The following WNT3 variants were observed in gnomAD, a reference collection of about 807,000 sequenced individuals.
WNT3 encodes the protein Wnt family member 3, also known as proto-oncogene Wnt-3.
Under a neutral mutation model 34.2 loss-of-function variants are expected in WNT3, and 7 were observed. The observed-to-expected ratio is 0.20, with a 90% CI of 0.12 to 0.38. The LOEUF is 0.38. Among genes scored for constraint, WNT3 ranks in the 10% least tolerant of loss-of-function variants. The pLI, the probability that WNT3 is intolerant of heterozygous loss-of-function variation, is 1.00. For missense variants in WNT3, 267 were observed against 499.8 expected, an observed-to-expected ratio of 0.53 and a Z score of 4.44; for synonymous variants, 212 against 211.5, an observed-to-expected ratio of 1.00 and a Z score of -0.02.
intron 2 of WNT3, among the ~76,000 whole-genome samples, chr17:46,771,760 CCCGCGCCGCGCCGCG>C (rs568207694): frequency 2.1e-4 from 29 of 137,374 alleles, no homozygotes; most frequent in South Asian, 1.8e-3. Flanking sequence ...GCCCCCCGCC[CCCGCGCCGCGCCGCG>C]CCGCGCCGCG....
Position 46,768,823 on chromosome 17 carries a change from G to A in WNT3, c.589-24C>T. On this transcript the variant is annotated intron_variant, in intron 3 of 4. Transcript: ENST00000225512. This position sits in a 1 kb window ranked among gnomAD's most constrained non-coding sequence, Gnocchi z 5.0. Reference sequence around the variant, plus strand: ...GTCTGGGGGAGAGAAGTGGCAGCTGGCCAACAGACCGACCCCACGAGGGGG... The same window carrying A: ...GTCTGGGGGAGAGAAGTGGCAGCTGACCAACAGACCGACCCCACGAGGGGG... 1 of 1,609,488 alleles carries A rather than the reference G, an allele frequency of 6.2e-7. No homozygotes were observed. The highest frequency in any genetic ancestry group is 8.5e-7 in the Non-Finnish European group (1 of 1,178,592).
At chr17:46,808,819 A>G (rs920333341) in intron 1 of WNT3, among the ~76,000 whole-genome samples, 2 of 152,122 alleles carry the variant, frequency 1.3e-5, no homozygotes, top group Admixed American at 6.5e-5. Flanking sequence ...AAAGAAAAAG[A>G]AACCCAGGGG....
chr17:46,784,052 T>A (rs1441677924), intron 1 of WNT3, among the ~76,000 whole-genome samples: 1 of 152,028 alleles, frequency 6.6e-6, no homozygotes, highest in Non-Finnish European at 1.5e-5. Context: ...TCAGCTCTCA[T>A]TGTGCAGCTG....
intron 1 of WNT3, among the ~76,000 whole-genome samples, chr17:46,779,253 GA>G (rs1279447670): frequency 6.6e-6 from 1 of 152,196 alleles, no homozygotes; most frequent in Non-Finnish European, 1.5e-5. Flanking sequence ...CTACACACAG[GA>G]CAAGACTCCT....
intron 1 of WNT3, among the ~76,000 whole-genome samples, chr17:46,774,409 G>T (rs530506887): frequency 6.6e-6 from 1 of 152,200 alleles, no homozygotes; most frequent in Non-Finnish European, 1.5e-5. Context: ...TCTTCCCTGC[G>T]ATGGTGCCAG....
chr17:46,818,575 A>G lies in WNT3; in HGVS notation c.23T>C (p.Leu8Pro). 6.2e-7 allele frequency: 1 copy of G among 1,605,908 alleles called. No homozygotes were observed. Among genetic ancestry groups the G allele is most frequent in the South Asian group, 1.1e-5 (1 of 89,212 alleles). Reference sequence around the variant, plus strand: ...GCCACCGAGCAGGAGGCCGAGGAGCAGCCCGAGCAGGTGGGGCTCCATTAG... The same window carrying G: ...GCCACCGAGCAGGAGGCCGAGGAGCGGCCCGAGCAGGTGGGGCTCCATTAG... Reference protein sequence around the residue: MEPHLLGLLLGLLLGGTR... With the variant: MEPHLLGPLLGLLLGGTR... The change falls in exon 1 of 5, where the codon CTG becomes CCG. Residue 8 changes from leucine (L) to proline (P), a missense_variant. Physicochemically the swap from Leu to Pro is moderately conservative, Grantham distance 98. This residue lies in a region of WNT3 where 26 missense variants were observed against 25.8 expected (regional missense o/e 1.01). Transcript: ENST00000225512.
chr17:46,779,736 T>G (rs939680188), intron 1 of WNT3, among the ~76,000 whole-genome samples: 3 of 150,886 alleles, frequency 2.0e-5, no homozygotes, highest in African/African-American at 4.9e-5. Context: ...GAGGCCTGCA[T>G]GGTGAGCACA....
chr17:46,764,778 G>GGGCCT (rs2059298851), intron 4 of WNT3, among the ~76,000 whole-genome samples, 157 bp from the exon 5 acceptor site: 1 of 152,254 alleles, frequency 6.6e-6, no homozygotes, highest in African/African-American at 2.4e-5. Flanking sequence ...TCTCCTCTGT[G>GGGCCT]CTTTGGGCCT....
At chr17:46,771,831 G>A (rs1406932419) in intron 2 of WNT3, among the ~76,000 whole-genome samples, 1 of 141,816 alleles carries the variant, frequency 7.1e-6, no homozygotes, top group South Asian at 2.1e-4. Context: ...CCGCGCGGTG[G>A]GGGGGCGGTG....
intron 1 of WNT3, among the ~76,000 whole-genome samples, chr17:46,799,526 C>T (rs1438773754): frequency 3.3e-5 from 5 of 149,702 alleles, no homozygotes; most frequent in Non-Finnish European, 5.9e-5. Flanking sequence ...CAGCTAACTG[C>T]AACCTCCGCC....
At chr17:46,769,677 G>T (rs2059346252) in intron 3 of WNT3, 106 bp downstream of exon 3, 1 of 1,488,582 alleles carries the variant, frequency 6.7e-7, no homozygotes, top group Non-Finnish European at 9.1e-7. Context: ...AAAGGAGCCC[G>T]CGACCCACAG....
intron 1 of WNT3, among the ~76,000 whole-genome samples, chr17:46,801,226 T>G (rs772234932): frequency 7.2e-5 from 11 of 152,092 alleles, no homozygotes; most frequent in Non-Finnish European, 1.6e-4. Context: ...ATGTTGGGGT[T>G]GGGAGAGGAG....
At chr17:46,817,377 C>T (rs565199013) in intron 1 of WNT3, among the ~76,000 whole-genome samples, 6 of 152,222 alleles carry the variant, frequency 3.9e-5, no homozygotes, top group East Asian at 1.9e-4. Context: ...CACCTCCCCC[C>T]GCCCAGGCCA....
intron 1 of WNT3, among the ~76,000 whole-genome samples, chr17:46,788,481 G>A (rs1412977051): frequency 6.6e-6 from 1 of 152,236 alleles, no homozygotes; most frequent in African/African-American, 2.4e-5. Flanking sequence ...AGCCTGCCCA[G>A]CCCTCTTGTT....
intron 1 of WNT3, among the ~76,000 whole-genome samples, chr17:46,809,208 T>C (rs997302614): frequency 6.6e-6 from 1 of 152,038 alleles, no homozygotes; most frequent in Non-Finnish European, 1.5e-5. Context: ...AGGGGAGCCA[T>C]GGGAGGTGTC....
At position 46,798,903 on chromosome 17, in the gene WNT3, C is replaced by T. The variant is rs149663691; in HGVS notation, c.80+19615G>A. ...TCTCTACTAAAAATACAAAAATTGG[C>T]CAGGCATGGTGGTGCGTGCCTGTAG... On this transcript the variant is annotated intron_variant, in intron 1 of 4. Transcript: ENST00000225512. Among the ~76,000 whole-genome samples the T allele has an allele frequency of 1.2e-3, 185 of 152,120 alleles. 1 individual carries two copies. Among genetic ancestry groups the T allele is most frequent in the African/African-American group, 4.4e-3 (182 of 41,484 alleles).
chr17:46,810,613 C>A (rs1303448290), intron 1 of WNT3, among the ~76,000 whole-genome samples: 1 of 152,158 alleles, frequency 6.6e-6, no homozygotes. Context: ...GAGACTCATC[C>A]ACTGTCTCAC....
intron 2 of WNT3, among the ~76,000 whole-genome samples, chr17:46,773,237 C>G (rs1034241831): frequency 3.9e-5 from 6 of 152,060 alleles, no homozygotes; most frequent in African/African-American, 1.4e-4. Context: ...CTCTTGGGGG[C>G]AACGCAATGC....
chr17:46,770,942 C>A (rs1766042553), intron 2 of WNT3, among the ~76,000 whole-genome samples: 1 of 152,270 alleles, frequency 6.6e-6, no homozygotes, highest in Admixed American at 6.5e-5. Context: ...ATGGCAGGAC[C>A]CGGGAGCCGG....
Sources: gnomAD v4.1 joint callset for allele counts (sites outside exome capture counted in the v4.1 genomes callset) on GRCh38, gnomAD v4.1.1 for gene constraint, gnomAD v4.1.1 regional missense constraint, Gnocchi (gnomAD v3.1) non-coding constraint, MANE v1.5 for transcripts, NCBI Gene and HGNC (gene_info 2026-07-23, HGNC 2026-07-21) for gene names.